PHACTR1: variants seen among roughly 807,000 people sequenced by gnomAD.
PHACTR1 encodes phosphatase and actin regulator 1.
A neutral mutation model predicts 69.2 loss-of-function variants in PHACTR1; 16 were observed. The observed-to-expected ratio is 0.23, with a 90% CI of 0.16 to 0.35. The LOEUF (loss-of-function observed/expected upper bound fraction) is 0.35, where lower values mean the gene tolerates loss of function less well. PHACTR1 is among the 10% of genes least tolerant of loss of function. The pLI is 1.00. For missense variants in PHACTR1, 510 were observed against 734.7 expected (o/e 0.69, Z 3.54); for synonymous variants, 312 against 284.5 (o/e 1.10, Z -0.97).
chr6:12,968,251 T>G (rs1793735621), intron 4 of PHACTR1, among the ~76,000 whole-genome samples: 1 of 152,228 alleles, frequency 6.6e-6, no homozygotes, highest in South Asian at 2.1e-4. Context: ...ATGTTGGCAT[T>G]GTAGCCGTTA....
At chr6:13,183,379 G>T (rs1384770597) in intron 7 of PHACTR1, among the ~76,000 whole-genome samples, 1 of 139,986 alleles carries the variant, frequency 7.1e-6, no homozygotes, top group Non-Finnish European at 1.6e-5. Context: ...AATATCCAGA[G>T]TATAGATAGA....
At chr6:13,124,309 A>G (rs978391134) in intron 5 of PHACTR1, among the ~76,000 whole-genome samples, 1 of 152,178 alleles carries the variant, frequency 6.6e-6, no homozygotes, top group Non-Finnish European at 1.5e-5. Flanking sequence ...CCTGGGGCTC[A>G]TGTCACTGAA....
chr6:12,843,464 T>A (rs1778899070), intron 4 of PHACTR1, among the ~76,000 whole-genome samples: 1 of 152,086 alleles, frequency 6.6e-6, no homozygotes, highest in Non-Finnish European at 1.5e-5. Context: ...GTTATGCACG[T>A]GTGTGTGTAT....
intron 4 of PHACTR1, among the ~76,000 whole-genome samples, chr6:12,953,520 T>C (rs9473076): frequency 0.015 from 2,235 of 152,320 alleles, 47 homozygotes; most frequent in African/African-American, 0.051. Context: ...TAACCCTGTG[T>C]ACTTTGGAGA....
chr6:12,859,343 C>T (rs1395196776), intron 4 of PHACTR1, among the ~76,000 whole-genome samples: 2 of 152,108 alleles, frequency 1.3e-5, no homozygotes, highest in Non-Finnish European at 2.9e-5. Flanking sequence ...TCCATATCAG[C>T]GAATGATACT....
At chr6:12,933,667 A>C (rs553215447) in intron 4 of PHACTR1, 1 of 1,612,816 alleles carries the variant, frequency 6.2e-7, no homozygotes, top group South Asian at 1.1e-5. Context: ...ATGAAGCAAG[A>C]ATGGGACCAG....
At chr6:12,917,900 G>A (rs1211643594) in intron 4 of PHACTR1, among the ~76,000 whole-genome samples, 1 of 152,134 alleles carries the variant, frequency 6.6e-6, no homozygotes, top group Non-Finnish European at 1.5e-5. Context: ...GGAAATTCAG[G>A]CACCACTATT....
At chr6:13,148,705 T>C (rs1583585739) in intron 5 of PHACTR1, among the ~76,000 whole-genome samples, 1 of 152,226 alleles carries the variant, frequency 6.6e-6, no homozygotes, top group Non-Finnish European at 1.5e-5. Context: ...TCATACTGTA[T>C]CACTCCAGAG....
At chr6:13,224,622 A>G (rs973041476) in intron 8 of PHACTR1, among the ~76,000 whole-genome samples, 1 of 152,192 alleles carries the variant, frequency 6.6e-6, no homozygotes, top group Non-Finnish European at 1.5e-5. Context: ...ACAGTGACTG[A>G]TGTTCTGCTG....
At chr6:13,133,418 C>T (rs931597616) in intron 5 of PHACTR1, among the ~76,000 whole-genome samples, 1 of 151,738 alleles carries the variant, frequency 6.6e-6, no homozygotes, top group Non-Finnish European at 1.5e-5. Flanking sequence ...CTCAGCCTGC[C>T]GAGTCCCTGG....
At chr6:12,887,913 CA>C (rs201585992) in intron 4 of PHACTR1, among the ~76,000 whole-genome samples, 3 of 146,776 alleles carry the variant, frequency 2.0e-5, no homozygotes, top group South Asian at 2.2e-4. Flanking sequence ...TACTAAAATA[CA>C]AAAAAAAAAT....
At chr6:12,880,699 A>C (rs1783006612) in intron 4 of PHACTR1, among the ~76,000 whole-genome samples, 1 of 152,222 alleles carries the variant, frequency 6.6e-6, no homozygotes, top group Non-Finnish European at 1.5e-5. Context: ...TTATAACCTA[A>C]GCAAATGTGG....
intron 5 of PHACTR1, among the ~76,000 whole-genome samples, chr6:13,124,262 A>G (rs968692468): frequency 6.6e-6 from 1 of 152,220 alleles, no homozygotes; most frequent in Non-Finnish European, 1.5e-5. Context: ...CACAGAGCAC[A>G]GCTTCCCATA....
intron 6 of PHACTR1, among the ~76,000 whole-genome samples, chr6:13,169,442 G>GA (rs1760282488): frequency 6.6e-6 from 1 of 152,174 alleles, no homozygotes; most frequent in Non-Finnish European, 1.5e-5. Context: ...TTCTCAGAGA[G>GA]AATGTAGAGT....
chr6:13,265,381 A>G (rs1776527931), intron 10 of PHACTR1, among the ~76,000 whole-genome samples: 1 of 152,008 alleles, frequency 6.6e-6, no homozygotes, highest in East Asian at 1.9e-4. Flanking sequence ...TTATTTGGGA[A>G]GCAAAAATGG....
chr6:13,047,373 G>C (rs1187862908), intron 4 of PHACTR1, among the ~76,000 whole-genome samples: 26 of 81,802 alleles, frequency 3.2e-4, no homozygotes, highest in African/African-American at 1.5e-3. Flanking sequence ...GCAAAACCCT[G>C]TCTCAAAAAA....
At chr6:13,047,624 A>G (rs1380901862) in intron 4 of PHACTR1, among the ~76,000 whole-genome samples, 1 of 152,126 alleles carries the variant, frequency 6.6e-6, no homozygotes, top group African/African-American at 2.4e-5. Flanking sequence ...TAGGTCCTCC[A>G]AAAACCCTAG....
chr6:13,231,123 A>G (rs1770982637), intron 10 of PHACTR1, among the ~76,000 whole-genome samples: 1 of 131,998 alleles, frequency 7.6e-6, no homozygotes, highest in African/African-American at 3.6e-5. Context: ...GAAAGAGAGA[A>G]AGAAAGAAGG....
chr6:13,083,546 T>C (rs934909212), intron 5 of PHACTR1, among the ~76,000 whole-genome samples: 2 of 151,296 alleles, frequency 1.3e-5, no homozygotes, highest in African/African-American at 4.8e-5. Context: ...AGTATGGCCA[T>C]TTTCACGATA....
Sources: gnomAD v4.1 joint callset for allele counts (sites outside exome capture counted in the v4.1 genomes callset) on GRCh38, gnomAD v4.1.1 for gene constraint, MANE v1.5 for transcripts, NCBI Gene and HGNC (gene_info 2026-07-23, HGNC 2026-07-21) for gene names.